RIPOR2: variants seen among roughly 807,000 people sequenced by gnomAD.
The protein encoded by RIPOR2 is RHO family interacting cell polarization regulator 2, also known as rho family-interacting cell polarization regulator 2.
A neutral mutation model predicts 114.5 loss-of-function variants in RIPOR2; 39 were observed. That is an observed-to-expected ratio of 0.34 (90% CI 0.26 to 0.44). RIPOR2 has a LOEUF of 0.44. Among genes scored for constraint, RIPOR2 ranks in the 20% least tolerant of loss-of-function variants. The pLI is 1.00. For synonymous variants in RIPOR2, 445 were observed against 484.4 expected, an observed-to-expected ratio of 0.92 and a Z score of 1.07; for missense variants, 1,007 against 1,255.1, an observed-to-expected ratio of 0.80 and a Z score of 2.99.
chr6:24,917,026 C>T (rs938339796), intron 1 of RIPOR2, among the ~76,000 whole-genome samples: 1 of 152,124 alleles, frequency 6.6e-6, no homozygotes, highest in African/African-American at 2.4e-5. Context: ...TCCTTCTCTC[C>T]AGAAACTTGA....
rs1055467094 is a variant in RIPOR2, at chr6:24,830,424, G to A, written c.2506+85C>T. ...GTTTCCCATCTGCAGGCAAGTGGTA[G>A]GAGGACCCCTCTCCCCCGACCCCCA... is the stretch of plus-strand genomic sequence containing the variant. On this transcript the variant is annotated intron_variant, in intron 17 of 21. Transcript: ENST00000643898. 4.4e-6 allele frequency: 5 copies of A among 1,132,552 alleles called. No homozygotes were observed. In the African/African-American group the frequency reaches 6.2e-5, roughly 14 times the overall value. The allele number at this position is 1,132,552 out of a possible 1,614,324, so 70.2% of individuals were successfully genotyped here.
intron 13 of RIPOR2, 168 bp from the exon 14 acceptor site, chr6:24,839,440 C>T (rs1057014022): frequency 6.3e-6 from 9 of 1,435,332 alleles, no homozygotes; most frequent in Non-Finnish European, 8.3e-6. Context: ...AAAAGAAGTA[C>T]AACCATGGAT....
chr6:24,939,456 AC>A (rs1771996893), upstream of RIPOR2, among the ~76,000 whole-genome samples: 1 of 152,164 alleles, frequency 6.6e-6, no homozygotes, highest in Non-Finnish European at 1.5e-5. Context: ...AGGCTTAGTC[AC>A]CCAAGATGGG....
chr6:24,869,605 A>T (rs1369950309), intron 5 of RIPOR2, among the ~76,000 whole-genome samples: 1 of 152,180 alleles, frequency 6.6e-6, no homozygotes, highest in Admixed American at 6.6e-5. Flanking sequence ...GATATGAGCC[A>T]CCATGCCCGG....
chr6:24,950,217 T>C (rs1209502722), intron 1 of RIPOR2, among the ~76,000 whole-genome samples: 1 of 152,202 alleles, frequency 6.6e-6, no homozygotes, highest in African/African-American at 2.4e-5. Context: ...AAAAGTAATA[T>C]GGTATTGCTG....
chr6:24,839,223 A>G lies in RIPOR2; in HGVS notation c.1907T>C (p.Val636Ala), dbSNP rs750055022. ...ATCAAAGCTTTCTAAAGCACTTTCA[A>G]CTGTGAGACTTAAACTGGAAGACCT... ...RSRSSSLSLT[V>A]ESALESFDFL... Residue 636 changes from valine to alanine, a missense_variant, in exon 14 of 22, where the codon GTT becomes GCT. Physicochemically the swap from Val to Ala is moderately conservative, Grantham distance 64. Coordinates refer to ENST00000643898, the MANE Select transcript of RIPOR2 (RefSeq NM_001286445.3). The G allele has an allele frequency of 2.6e-5, 40 of 1,551,794 alleles. No individual in the cohort carries two copies. The highest frequency in any genetic ancestry group is 3.3e-5 in the Non-Finnish European group (38 of 1,147,028).
intron 7 of RIPOR2, among the ~76,000 whole-genome samples, chr6:24,863,239 C>T (rs371002674): frequency 1.1e-4 from 17 of 152,254 alleles, no homozygotes; most frequent in Middle Eastern, 3.4e-3. Flanking sequence ...AGGTATAAGC[C>T]GCTGCACCCG....
chr6:24,842,854 G>T lies in RIPOR2; in HGVS notation c.1857+8C>A. On this transcript the variant is annotated splice_region_variant and intron_variant, in intron 13 of 21. Coordinates refer to ENST00000643898, the MANE Select transcript of RIPOR2 (RefSeq NM_001286445.3). ...AACCTAATCCAATTTCTCTGAAAAG[G>T]TACTTACTTTTAGAATATCATCCAA... 2.1e-6 allele frequency: 3 copies of T among 1,417,032 alleles called. No homozygotes were observed. The highest frequency in any genetic ancestry group is 1.9e-4 in the Middle Eastern group (1 of 5,260). 87.8% of individuals were successfully genotyped at this position (1,417,032 alleles called of 1,614,324 possible).
rs143347427 is a variant in RIPOR2 at position 24,870,766 on chromosome 6, G to A, written c.447+100C>T. On this transcript the variant is annotated intron_variant, in intron 5 of 21. Transcript: ENST00000643898. ...TAAGCTCAAGTGATCCACCCACCTC[G>A]GCCTCCCAAAGTGCTGGGATGACAG... The A allele has an allele frequency of 0.015, 11,845 of 795,572 alleles. 471 individuals carry two copies. The highest frequency in any genetic ancestry group is 0.12 in the African/African-American group (6,989 of 57,820). 49.3% of individuals were successfully genotyped at this position (795,572 alleles called of 1,614,324 possible).
chr6:24,959,337 TG>T (rs1773197485), intron 1 of RIPOR2, among the ~76,000 whole-genome samples: 1 of 152,244 alleles, frequency 6.6e-6, no homozygotes, highest in Non-Finnish European at 1.5e-5. Flanking sequence ...ATGTAATTAA[TG>T]CACTGTTTCA....
chr6:24,964,867 T>C (rs1242411239), intron 1 of RIPOR2, among the ~76,000 whole-genome samples: 5 of 152,232 alleles, frequency 3.3e-5, no homozygotes, highest in African/African-American at 4.8e-5. Context: ...TTGGTCTTAA[T>C]TTGCATTTTC....
In RIPOR2 at chr6:24,935,740, A is replaced by C. The variant is rs1771762767; in HGVS notation, c.61+98T>G. ...GGATGCTTTGTTTTTATCATTTCAA[A>C]ATACTCAAGTCCTTGCCCAAGCTGG... On this transcript the variant is annotated intron_variant, in intron 1 of 21. Coordinates refer to ENST00000643898, the MANE Select transcript of RIPOR2 (RefSeq NM_001286445.3). 7.4e-6 allele frequency: 6 copies of C among 811,330 alleles called. No individual in the cohort carries two copies. In the South Asian group the frequency reaches 9.3e-5, roughly 13 times the overall value. The allele number at this position is 811,330 out of a possible 1,614,324, so 50.3% of individuals were successfully genotyped here. A position where few individuals can be genotyped will look rare whatever the true frequency, so the allele number is the denominator to read the frequency against.
At chr6:24,941,585 T>C (rs1334749587) in intron 1 of RIPOR2, among the ~76,000 whole-genome samples, 1 of 152,216 alleles carries the variant, frequency 6.6e-6, no homozygotes, top group Admixed American at 6.5e-5. Flanking sequence ...TCTATATTAA[T>C]ACATTGTGCT....
At chr6:24,964,612 G>A (rs1006764339) in intron 1 of RIPOR2, among the ~76,000 whole-genome samples, 2 of 152,176 alleles carry the variant, frequency 1.3e-5, no homozygotes, top group African/African-American at 4.8e-5. Flanking sequence ...TTGTGTACAG[G>A]TTTTTGTGTG....
At chr6:24,922,317 C>G (rs1770554377) in intron 1 of RIPOR2, among the ~76,000 whole-genome samples, 1 of 152,136 alleles carries the variant, frequency 6.6e-6, no homozygotes, top group South Asian at 2.1e-4. Context: ...AAATTAGTAG[C>G]AAGAATCCCA....
At chr6:25,027,563 G>A (rs1036286272) in intron 1 of RIPOR2, among the ~76,000 whole-genome samples, 14 of 152,250 alleles carry the variant, frequency 9.2e-5, no homozygotes, top group African/African-American at 3.1e-4. Flanking sequence ...TGGCCATGCT[G>A]CAGGTGGCAC....
intron 1 of RIPOR2, among the ~76,000 whole-genome samples, chr6:24,926,519 T>C (rs771099777): frequency 7.9e-5 from 12 of 152,222 alleles, no homozygotes; most frequent in Non-Finnish European, 1.5e-4. Context: ...CTTGGTCACA[T>C]GGTGGAGATC....
At chr6:24,877,270 T>TC (rs1765886431) in intron 1 of RIPOR2, 1 of 985,196 alleles carries the variant, frequency 1.0e-6, no homozygotes, top group African/African-American at 1.7e-5. Context: ...ACAAACAGCC[T>TC]CCTCCCCCAT....
intron 14 of RIPOR2, among the ~76,000 whole-genome samples, chr6:24,838,219 C>T (rs543086675): frequency 2.6e-5 from 4 of 152,210 alleles, no homozygotes; most frequent in African/African-American, 4.8e-5. Context: ...TTGGTCATCC[C>T]CTCTTACATT....
Sources: allele counts gnomAD v4.1 joint callset (sites outside exome capture counted in the v4.1 genomes callset), GRCh38; gene constraint gnomAD v4.1.1; transcripts MANE v1.5; gene names NCBI Gene and HGNC (gene_info 2026-07-23, HGNC 2026-07-21).